Variants in PCDH9 observed in about 807,000 individuals in gnomAD.
The protein encoded by PCDH9 is protocadherin-9.
A neutral mutation model predicts 70.6 loss-of-function variants in PCDH9; 24 were observed. The observed-to-expected ratio is 0.34, with a 90% CI of 0.25 to 0.48. The LOEUF (loss-of-function observed/expected upper bound fraction) is 0.48. PCDH9 is among the 20% of genes least tolerant of loss of function. The pLI is 0.99. For synonymous variants in PCDH9, 562 were observed against 558.5 expected, an observed-to-expected ratio of 1.01 and a Z score of -0.09; for missense variants, 1,281 against 1,503.6, an observed-to-expected ratio of 0.85 and a Z score of 2.45.
chr13:67,022,660 G>A (rs2084701297), intron 2 of PCDH9, among the ~76,000 whole-genome samples: 3 of 152,100 alleles, frequency 2.0e-5, no homozygotes, highest in Admixed American at 2.0e-4. Flanking sequence ...ACAGTATCTC[G>A]CACTTCCAGT....
At chr13:66,439,558 C>T (rs1359927257) in intron 4 of PCDH9, among the ~76,000 whole-genome samples, 1 of 152,036 alleles carries the variant, frequency 6.6e-6, no homozygotes, top group Non-Finnish European at 1.5e-5. Flanking sequence ...CAAATGCATA[C>T]AAATAAATAA....
At chr13:66,822,607 G>C (rs2080733380) in intron 3 of PCDH9, among the ~76,000 whole-genome samples, 2 of 150,150 alleles carry the variant, frequency 1.3e-5, no homozygotes, top group East Asian at 4.0e-4. Flanking sequence ...GCTTACTGCA[G>C]CCTCTCCTCC....
chr13:67,201,284 G>A (rs1351081353), intron 2 of PCDH9: 2 of 151,916 alleles, frequency 1.3e-5, no homozygotes, highest in Non-Finnish European at 2.9e-5. Flanking sequence ...CACCAAAAAT[G>A]TTTTACAAAA....
At chr13:66,639,299 A>C (rs562816155) in intron 3 of PCDH9, among the ~76,000 whole-genome samples, 1 of 152,318 alleles carries the variant, frequency 6.6e-6, no homozygotes, top group South Asian at 2.1e-4. Flanking sequence ...TGTGTGTGGA[A>C]AACTCACATG....
At chr13:66,475,666 G>T (rs1035928796) in intron 4 of PCDH9, among the ~76,000 whole-genome samples, 2 of 151,894 alleles carry the variant, frequency 1.3e-5, no homozygotes, top group African/African-American at 2.4e-5. Flanking sequence ...TATTTGATAC[G>T]AATTCTATTT....
At position 66,753,775 on chromosome 13, in the gene PCDH9, C is replaced by T. The variant is rs1013883990; in HGVS notation, c.3139-122364G>A. On this transcript the variant is annotated intron_variant, in intron 3 of 4. Transcript: ENST00000377865. ...GCTAAATCATTCTAAAGAAATGATA[C>T]TATACTTCTTTAAGTACTAGGTATA... Among the ~76,000 whole-genome samples, 6 of 152,138 alleles carry T rather than the reference C, an allele frequency of 3.9e-5. No individual in the cohort carries two copies. In the South Asian group the frequency reaches 8.3e-4, roughly 21 times the overall value.
intron 2 of PCDH9, among the ~76,000 whole-genome samples, chr13:67,174,640 T>G (rs531249803): frequency 1.1e-4 from 16 of 152,194 alleles, no homozygotes; most frequent in Non-Finnish European, 2.1e-4. Context: ...TTACTTACTT[T>G]GTTTTAATGT....
intron 4 of PCDH9, among the ~76,000 whole-genome samples, chr13:66,484,178 G>T (rs990340687): frequency 6.6e-6 from 1 of 152,132 alleles, no homozygotes; most frequent in Non-Finnish European, 1.5e-5. Context: ...GAAACCCCGG[G>T]ATACAGAAAG....
At chr13:66,909,435 CAA>C (rs796567431) in intron 2 of PCDH9, among the ~76,000 whole-genome samples, 1 of 143,472 alleles carries the variant, frequency 7.0e-6, no homozygotes. Context: ...CACAGAATTA[CAA>C]AAAAAAAAAC....
At chr13:67,127,233 C>T (rs1485036465) in intron 2 of PCDH9, among the ~76,000 whole-genome samples, 3 of 152,136 alleles carry the variant, frequency 2.0e-5, no homozygotes, top group Non-Finnish European at 2.9e-5. Context: ...TCAGCTGACC[C>T]GATGAACTCA....
In PCDH9 at chr13:66,478,245, T is replaced by C. The variant is rs76609306; in HGVS notation, c.3340+152965A>G. 6.1e-4 allele frequency among the ~76,000 whole-genome samples: 93 copies of C among 152,316 alleles called. No homozygotes were observed. In the East Asian group the frequency reaches 0.016, roughly 27 times the overall value. ...TAAATGTTGTGTGGGTTCTGACTGC[T>C]CCACCAACTAGCCATTCCCCAGCCT... On this transcript the variant is annotated intron_variant, in intron 4 of 4. Coordinates refer to ENST00000377865, the MANE Select transcript of PCDH9 (RefSeq NM_203487.3).
At chr13:66,825,055 T>G (rs2080794195) in intron 3 of PCDH9, 1 of 151,850 alleles carries the variant, frequency 6.6e-6, no homozygotes, top group Admixed American at 6.6e-5. Context: ...TTAACAGAAA[T>G]AGCATGTCAT....
chr13:66,902,683 A>G (rs898201607), intron 3 of PCDH9, among the ~76,000 whole-genome samples: 1 of 151,826 alleles, frequency 6.6e-6, no homozygotes, highest in East Asian at 1.9e-4. Flanking sequence ...GTTAACTATT[A>G]AAACATAATT....
chr13:67,114,453 A>G (rs895973050), intron 2 of PCDH9, among the ~76,000 whole-genome samples: 1 of 152,224 alleles, frequency 6.6e-6, no homozygotes, highest in Non-Finnish European at 1.5e-5. Flanking sequence ...ACTTACTTTC[A>G]ATGAGGCATC....
chr13:66,930,472 T>TATA (rs2082788971), intron 2 of PCDH9, among the ~76,000 whole-genome samples: 1 of 152,166 alleles, frequency 6.6e-6, no homozygotes, highest in Non-Finnish European at 1.5e-5. Flanking sequence ...CCATATAGCC[T>TATA]TTGATCTATA....
At chr13:66,768,845 T>C (rs1455810477) in intron 3 of PCDH9, among the ~76,000 whole-genome samples, 1 of 152,004 alleles carries the variant, frequency 6.6e-6, no homozygotes, top group Non-Finnish European at 1.5e-5. Flanking sequence ...TAATGTATAA[T>C]ATAAATTAAT....
chr13:66,344,654 A>C (rs921257760), intron 4 of PCDH9, among the ~76,000 whole-genome samples: 6 of 152,196 alleles, frequency 3.9e-5, no homozygotes, highest in African/African-American at 1.4e-4. Flanking sequence ...GGGTAAAATT[A>C]ATTTTAGAGT....
chr13:66,507,440 C>A (rs900830186), intron 4 of PCDH9, among the ~76,000 whole-genome samples: 1 of 152,138 alleles, frequency 6.6e-6, no homozygotes, highest in Admixed American at 6.5e-5. Context: ...CTTTATGCCA[C>A]CCCTCTACTG....
chr13:66,754,304 C>A lies in PCDH9; in HGVS notation c.3139-122893G>T, dbSNP rs867105880. 3.9e-5 allele frequency among the ~76,000 whole-genome samples: 6 copies of A among 152,130 alleles called. No homozygotes were observed. The South Asian group carries it at 1.2e-3, about 32-fold the overall frequency. On this transcript the variant is annotated intron_variant, in intron 3 of 4. Coordinates refer to ENST00000377865, the MANE Select transcript of PCDH9 (RefSeq NM_203487.3). ...TGATGGGTTGATGGGTGCAGCAAAC[C>A]ACCATGGCACATGTATACCTATGTA...
Sources: allele counts gnomAD v4.1 joint callset (sites outside exome capture counted in the v4.1 genomes callset), GRCh38; gene constraint gnomAD v4.1.1; transcripts MANE v1.5; gene names NCBI Gene and HGNC (gene_info 2026-07-23, HGNC 2026-07-21).